The following C2CD3 variants were observed in gnomAD, a reference collection of about 807,000 sequenced individuals.
The protein encoded by C2CD3 is C2 domain containing 3 centriole elongation regulator.
A neutral mutation model predicts 234.0 loss-of-function variants in C2CD3; 148 were observed. The observed-to-expected ratio is 0.63, with a 90% CI of 0.55 to 0.72. The LOEUF (loss-of-function observed/expected upper bound fraction) is 0.72. C2CD3 is among the 30% of genes least tolerant of loss of function. C2CD3 has a pLI of 0.00. For synonymous variants in C2CD3, 1,000 were observed against 1,035.4 expected (o/e 0.97, Z 0.66); for missense variants, 2,577 against 2,811.5 (o/e 0.92, Z 1.89).
chr11:74,087,587 A>G (rs1169665928), intron 20 of C2CD3, among the ~76,000 whole-genome samples: 2 of 152,206 alleles, frequency 1.3e-5, no homozygotes, highest in East Asian at 3.9e-4. Flanking sequence ...ATGAGGATAA[A>G]ATACTCATAG....
At chr11:74,067,582 A>G (rs1388043813) in intron 24 of C2CD3, among the ~76,000 whole-genome samples, 1 of 152,196 alleles carries the variant, frequency 6.6e-6, no homozygotes, top group Non-Finnish European at 1.5e-5. Context: ...ATTTAATGGT[A>G]GTAGGCAAAA....
chr11:74,154,001 G>A (rs918367642), intron 3 of C2CD3, among the ~76,000 whole-genome samples: 17 of 151,200 alleles, frequency 1.1e-4, no homozygotes, highest in African/African-American at 3.9e-4. Context: ...GACAGAACAA[G>A]AAGATACAAT....
At chr11:74,150,531 A>AAAAAAAC (rs1855567490) in intron 3 of C2CD3, among the ~76,000 whole-genome samples, 1 of 99,852 alleles carries the variant, frequency 1.0e-5, no homozygotes, top group African/African-American at 5.2e-5. Flanking sequence ...AAAAAACAAA[A>AAAAAAAC]CAAATTTCTA....
Position 74,150,492 on chromosome 11 carries a change from C to CAAAA in C2CD3, c.484-10668_484-10665dup, listed in dbSNP as rs769668218. Among the ~76,000 whole-genome samples, 68 of 16,096 alleles carry CAAAA rather than the reference C, an allele frequency of 4.2e-3. 4 individuals carry two copies. The highest frequency in any genetic ancestry group is 0.042 in the Middle Eastern group (1 of 24). The allele number at this position is 16,096 out of a possible 152,430, so 10.6% of individuals were successfully genotyped here. A position where few individuals can be genotyped will look rare whatever the true frequency, so the allele number is the denominator to read the frequency against. ...TGGGCTACAGAGCAAGACCCTGTCT[C>CAAAA]AAAAAAAAAAAAAAAAAAAAAAACA... On this transcript the variant is annotated intron_variant, in intron 3 of 32. Coordinates refer to ENST00000334126, the MANE Select transcript of C2CD3 (RefSeq NM_001286577.2).
intron 2 of C2CD3, chr11:74,164,116 T>C (rs1856652179): frequency 2.3e-6 from 2 of 880,672 alleles, no homozygotes; most frequent in Non-Finnish European, 2.7e-6. Context: ...TCATCACTTC[T>C]AGGACAAAAA....
intron 24 of C2CD3, among the ~76,000 whole-genome samples, chr11:74,066,628 C>A (rs1030627126): frequency 6.8e-6 from 1 of 147,722 alleles, no homozygotes; most frequent in Non-Finnish European, 1.5e-5. Context: ...TTTTCCTCAA[C>A]GTAAAGAATT....
chr11:74,122,536 C>G (rs1045217744), intron 8 of C2CD3, among the ~76,000 whole-genome samples: 2 of 152,150 alleles, frequency 1.3e-5, no homozygotes, highest in East Asian at 3.8e-4. Flanking sequence ...GAAAAAAGAA[C>G]TTTGAAAAAA....
chr11:74,057,672 T>C (rs1260020893), intron 24 of C2CD3, 128 bp from the exon 25 acceptor site: 1 of 955,928 alleles, frequency 1.0e-6, no homozygotes, highest in African/African-American at 1.6e-5. Context: ...TATCCCCCTG[T>C]GTCTGAAATG....
At chr11:74,037,419 CT>C in intron 30 of C2CD3, 58 bp downstream of exon 30, 1 of 1,310,528 alleles carries the variant, frequency 7.6e-7, no homozygotes, top group East Asian at 2.3e-5. Flanking sequence ...CATTCAAATG[CT>C]TTTTGAATTA....
chr11:74,095,192 C>T (rs1956060956), intron 17 of C2CD3, 36 bp downstream of exon 17: 1 of 1,375,936 alleles, frequency 7.3e-7, no homozygotes, highest in Non-Finnish European at 9.8e-7. Context: ...ATAAAAGAAC[C>T]ATATAAGAAT....
chr11:74,037,563 T>C lies in C2CD3; in HGVS notation c.5796A>G (p.Pro1932=), dbSNP rs1952802204. The C allele has an allele frequency of 1.9e-6, 3 of 1,614,124 alleles. No homozygotes were observed. Among genetic ancestry groups the C allele is most frequent in the African/African-American group, 2.7e-5 (2 of 75,026 alleles). ...HQESCRDHLG[P]GASSLDPGSQ... is the part of the protein sequence containing the mutation. ...TCCCAGGGTCTAGGCTGCTGGCACC[T>C]GGCCCAAGATGGTCCCTACAGCTCT... The change falls in exon 30 of 33, where the codon CCA becomes CCG. Residue 1932 remains proline, a synonymous_variant. Coordinates refer to ENST00000334126, the MANE Select transcript of C2CD3 (RefSeq NM_001286577.2).
chr11:74,085,984 C>A, intron 20 of C2CD3, 98 bp from the exon 21 acceptor site: 3 of 1,250,556 alleles, frequency 2.4e-6, no homozygotes, highest in African/African-American at 3.0e-5. Context: ...ATGAGACCAC[C>A]AAGAATAAAA....
chr11:74,085,915 G>A (rs1955624652), intron 20 of C2CD3, 29 bp from the exon 21 acceptor site: 1 of 1,580,220 alleles, frequency 6.3e-7, no homozygotes, highest in African/African-American at 1.4e-5. Context: ...GAAATGAGAA[G>A]ATACCATGGT....
At position 74,093,805 on chromosome 11, in the gene C2CD3, C is replaced by G; in HGVS notation, c.3344+11G>C. 6.2e-7 allele frequency: 1 copy of G among 1,611,898 alleles called. No homozygotes were observed. Among genetic ancestry groups the G allele is most frequent in the Non-Finnish European group, 8.5e-7 (1 of 1,178,562 alleles). On this transcript the variant is annotated intron_variant, in intron 18 of 32. Coordinates refer to ENST00000334126, the MANE Select transcript of C2CD3 (RefSeq NM_001286577.2). The stretch of plus-strand genomic sequence containing the variant: ...CTTCCTAGGCATAGGACTGGGGTCT[C>G]CACACTGTACCTGCACCAGATTTCA...
intron 2 of C2CD3, chr11:74,168,047 T>G (rs1856917755): frequency 3.8e-6 from 1 of 261,496 alleles, no homozygotes. Flanking sequence ...TTATCAACTT[T>G]GTGACCTTAG....
intron 24 of C2CD3, among the ~76,000 whole-genome samples, chr11:74,059,074 T>C (rs1954090751): frequency 6.6e-6 from 1 of 152,094 alleles, no homozygotes; most frequent in Admixed American, 6.6e-5. Flanking sequence ...GGATTACAGA[T>C]GAAGGAAAAG....
At chr11:74,147,005 C>T (rs1242891788) in intron 3 of C2CD3, among the ~76,000 whole-genome samples, 2 of 151,746 alleles carry the variant, frequency 1.3e-5, no homozygotes, top group Admixed American at 6.6e-5. Context: ...GAGCCGAGAT[C>T]GTGCCACTGC....
chr11:74,048,493 C>A (rs1385415167), intron 27 of C2CD3, among the ~76,000 whole-genome samples, 155 bp from the exon 28 acceptor site: 1 of 152,190 alleles, frequency 6.6e-6, no homozygotes, highest in Non-Finnish European at 1.5e-5. Context: ...TACATTTTCT[C>A]ATTTATAATC....
intron 3 of C2CD3, among the ~76,000 whole-genome samples, chr11:74,154,868 C>A (rs1041656046): frequency 6.6e-6 from 1 of 152,150 alleles, no homozygotes; most frequent in African/African-American, 2.4e-5. Flanking sequence ...TCAGGAAATA[C>A]AAATGAAAAT....
Sources: allele counts gnomAD v4.1 joint callset (sites outside exome capture counted in the v4.1 genomes callset), GRCh38; gene constraint gnomAD v4.1.1; transcripts MANE v1.5; gene names NCBI Gene and HGNC (gene_info 2026-07-23, HGNC 2026-07-21).